PPP2R2C: variants seen among roughly 807,000 people sequenced by gnomAD.
The protein encoded by PPP2R2C is protein phosphatase 2 regulatory subunit Bgamma.
PPP2R2C carries 10 observed loss-of-function variants against 45.3 expected under a neutral mutation model. The observed-to-expected ratio is 0.22, with a 90% CI of 0.14 to 0.37. The LOEUF is 0.37. Ranked by LOEUF, PPP2R2C falls within the 10% of genes least tolerant of loss-of-function variation. PPP2R2C has a pLI of 1.00. For missense variants in PPP2R2C, 308 were observed against 619.7 expected (o/e 0.50, Z 5.34); for synonymous variants, 257 against 245.4 (o/e 1.05, Z -0.44).
chr4:6,504,783 A>G (rs1455622975), intron 2 of PPP2R2C, among the ~76,000 whole-genome samples: 1 of 152,214 alleles, frequency 6.6e-6, no homozygotes, highest in Non-Finnish European at 1.5e-5. Flanking sequence ...AGTTAAAATA[A>G]TAACCCAGCC....
intron 1 of PPP2R2C, among the ~76,000 whole-genome samples, chr4:6,465,657 A>ATT (rs1577204161): frequency 6.6e-6 from 1 of 151,300 alleles, no homozygotes; most frequent in East Asian, 1.9e-4. Context: ...TCAAATTTAA[A>ATT]AAAAAAAAAG....
intron 2 of PPP2R2C, among the ~76,000 whole-genome samples, chr4:6,501,105 T>C (rs1375102408): frequency 6.6e-6 from 1 of 152,202 alleles, no homozygotes; most frequent in South Asian, 2.1e-4. Flanking sequence ...AACTATAAAT[T>C]ATTCAGTGAT....
chr4:6,404,220 TC>T (rs34580020), intron 1 of PPP2R2C, among the ~76,000 whole-genome samples: 1 of 151,524 alleles, frequency 6.6e-6, no homozygotes, highest in Admixed American at 6.6e-5. Flanking sequence ...TCCTTAGAGG[TC>T]CCCCCCTCCC....
At chr4:6,482,004 A>AG (rs1722370971) in intron 2 of PPP2R2C, among the ~76,000 whole-genome samples, 3 of 141,778 alleles carry the variant, frequency 2.1e-5, no homozygotes, top group African/African-American at 7.7e-5. Flanking sequence ...AAAAAAAAAA[A>AG]GTAAAAAGGA....
intron 2 of PPP2R2C, among the ~76,000 whole-genome samples, chr4:6,494,674 C>T (rs901040505): frequency 3.3e-5 from 5 of 152,164 alleles, no homozygotes; most frequent in Admixed American, 1.3e-4. Context: ...GTGGGAGCCC[C>T]GGGCACAGGG....
At chr4:6,380,851 T>G (rs1715725407) in intron 2 of PPP2R2C, 146 bp downstream of exon 2, 1 of 1,275,824 alleles carries the variant, frequency 7.8e-7, no homozygotes, top group Non-Finnish European at 1.0e-6. Context: ...TTAAAAGCCC[T>G]CTTGTGGGTT....
chr4:6,485,694 A>C (rs1722506625), intron 2 of PPP2R2C, among the ~76,000 whole-genome samples: 1 of 151,814 alleles, frequency 6.6e-6, no homozygotes, highest in Non-Finnish European at 1.5e-5. Context: ...TATTTTAATG[A>C]CTGCTGAATA....
At chr4:6,485,594 TG>T (rs931897952) in intron 2 of PPP2R2C, among the ~76,000 whole-genome samples, 32 of 151,908 alleles carry the variant, frequency 2.1e-4, no homozygotes, top group Admixed American at 2.0e-4. Context: ...CAGTAAGCTT[TG>T]GTAATTTGTG....
Position 6,324,451 on chromosome 4 carries a change from AAAG to A in PPP2R2C, c.1053-861_1053-859del, listed in dbSNP as rs1731784927. ...CGTCTCGAAAAAAGAAAAGAAAAGAAAAGAAAAGACCCTCCTGTAATTTCTGTT... is the reference window on the plus strand; with the variant it reads ...CGTCTCGAAAAAAGAAAAGAAAAGAAAAAAGACCCTCCTGTAATTTCTGTT... On this transcript the variant is annotated intron_variant, in intron 8 of 8. Coordinates refer to ENST00000382599, the MANE Select transcript of PPP2R2C (RefSeq NM_020416.4). The surrounding 1 kb of genome is among the most constrained non-coding windows in gnomAD (Gnocchi z 4.1). Among the ~76,000 whole-genome samples the A allele has an allele frequency of 6.6e-6, 1 of 152,142 alleles. No homozygotes were observed. The highest frequency in any genetic ancestry group is 2.4e-5 in the African/African-American group (1 of 41,426).
intron 1 of PPP2R2C, among the ~76,000 whole-genome samples, chr4:6,453,828 C>T (rs1164001061): frequency 2.0e-5 from 3 of 152,188 alleles, no homozygotes; most frequent in Non-Finnish European, 2.9e-5. Flanking sequence ...CACCGAGGGC[C>T]ACGTTGGCTG....
intron 1 of PPP2R2C, among the ~76,000 whole-genome samples, chr4:6,431,414 A>C (rs1386396349): frequency 6.6e-6 from 1 of 152,224 alleles, no homozygotes; most frequent in Non-Finnish European, 1.5e-5. Flanking sequence ...CCAGGTTTCC[A>C]GGACCCTCCT....
intron 5 of PPP2R2C, among the ~76,000 whole-genome samples, chr4:6,367,961 A>G (rs555892892): frequency 6.6e-6 from 1 of 151,892 alleles, no homozygotes; most frequent in Admixed American, 6.6e-5. Flanking sequence ...ATAGACACAC[A>G]CTCCTCTATC....
intron 1 of PPP2R2C, chr4:6,383,803 G>A (rs1351270297): frequency 3.9e-6 from 4 of 1,015,704 alleles, no homozygotes; most frequent in Non-Finnish European, 4.7e-6. Context: ...AATGGTGCCT[G>A]TATGCAGTAG....
In PPP2R2C at chr4:6,372,709, G is replaced by T. The variant is rs768804262; in HGVS notation, c.448-9C>A. The stretch of plus-strand genomic sequence containing the variant: ...GGCTTCAGCACTGGCACCTGCAGAG[G>T]ATGAGGAGGCAGGGAAGAGGTGAAG... On this transcript the variant is annotated splice_polypyrimidine_tract_variant and intron_variant, in intron 4 of 8. Transcript: ENST00000382599. The T allele has an allele frequency of 6.2e-7, 1 of 1,612,838 alleles. No homozygotes were observed. Among genetic ancestry groups the T allele is most frequent in the South Asian group, 1.1e-5 (1 of 91,070 alleles).
intron 1 of PPP2R2C, among the ~76,000 whole-genome samples, chr4:6,451,561 G>A (rs1283190627): frequency 6.6e-6 from 1 of 152,154 alleles, no homozygotes; most frequent in Non-Finnish European, 1.5e-5. Flanking sequence ...GGGGACCTGG[G>A]TTATAAATCC....
At chr4:6,439,369 G>A (rs547916097) in intron 1 of PPP2R2C, among the ~76,000 whole-genome samples, 3 of 152,196 alleles carry the variant, frequency 2.0e-5, no homozygotes, top group East Asian at 3.8e-4. Context: ...ACATTCATAC[G>A]GGGGTGCTTT....
rs1400633543 is a variant in PPP2R2C, at chr4:6,538,560, T to A, written c.-58-3183A>T. Among the ~76,000 whole-genome samples, 7 of 152,244 alleles carry A rather than the reference T, an allele frequency of 4.6e-5. No homozygotes were observed. In the South Asian group the frequency reaches 1.2e-3, roughly 27 times the overall value. On this transcript the variant is annotated intron_variant, in intron 1 of 9. Transcript: ENST00000506140. ...CTAGGCAAAGGAAAATGAGATGAGG[T>A]CACGTCATCTTCCAAACGCCAATAA...
chr4:6,551,734 C>G (rs973269776), intron 1 of PPP2R2C, among the ~76,000 whole-genome samples: 5 of 152,216 alleles, frequency 3.3e-5, no homozygotes, highest in African/African-American at 1.2e-4. Flanking sequence ...TCAGCCCCTG[C>G]TGTCCCCACC....
chr4:6,365,618 G>A (rs574818213), intron 5 of PPP2R2C, among the ~76,000 whole-genome samples: 2 of 152,334 alleles, frequency 1.3e-5, no homozygotes, highest in South Asian at 4.1e-4. Context: ...CATGCAGAGG[G>A]ACTGTGTCTG....
Sources: allele counts gnomAD v4.1 joint callset (sites outside exome capture counted in the v4.1 genomes callset), GRCh38; gene constraint gnomAD v4.1.1; non-coding constraint Gnocchi (gnomAD v3.1); transcripts MANE v1.5; gene names NCBI Gene and HGNC (gene_info 2026-07-23, HGNC 2026-07-21).